Variants in PHACTR1 observed in about 807,000 individuals in gnomAD.
The protein encoded by PHACTR1 is phosphatase and actin regulator 1.
Under a neutral mutation model 69.2 loss-of-function variants are expected in PHACTR1, and 16 were observed. The ratio of observed to expected loss-of-function variants is 0.23; its 90% CI spans 0.16 to 0.35. The LOEUF (loss-of-function observed/expected upper bound fraction) is 0.35, where lower values mean the gene tolerates loss of function less well. Among genes scored for constraint, PHACTR1 ranks in the 10% least tolerant of loss-of-function variants. The pLI, the probability that PHACTR1 is intolerant of heterozygous loss-of-function variation, is 1.00. For missense variants in PHACTR1, 510 were observed against 734.7 expected (o/e 0.69, Z 3.54); for synonymous variants, 312 against 284.5 (o/e 1.10, Z -0.97).
chr6:12,886,038 T>C (rs921869715), intron 4 of PHACTR1, among the ~76,000 whole-genome samples: 9 of 152,278 alleles, frequency 5.9e-5, no homozygotes, highest in African/African-American at 2.2e-4. Context: ...GAGGTTTCAG[T>C]GAGCTGAGAT....
intron 4 of PHACTR1, among the ~76,000 whole-genome samples, chr6:12,845,436 C>G (rs868325429): frequency 3.6e-5 from 2 of 55,816 alleles, no homozygotes; most frequent in Non-Finnish European, 9.0e-5. Context: ...CCCACCCCCC[C>G]CCCCCCCGCC....
At chr6:13,146,711 A>G (rs566664886) in intron 5 of PHACTR1, among the ~76,000 whole-genome samples, 1 of 152,344 alleles carries the variant, frequency 6.6e-6, no homozygotes, top group South Asian at 2.1e-4. Flanking sequence ...GCTTTGGGCA[A>G]TACACTTCTA....
Position 12,845,444 on chromosome 6 carries a change from G to A in PHACTR1, c.250+95654G>A, listed in dbSNP as rs113397756. Among the ~76,000 whole-genome samples the A allele has an allele frequency of 4.6e-4, 6 of 12,948 alleles. 1 individual carries two copies. Among genetic ancestry groups the A allele is most frequent in the Non-Finnish European group, 9.1e-4 (5 of 5,522 alleles). The allele number at this position is 12,948 out of a possible 152,430, so 8.5% of individuals were successfully genotyped here. On this transcript the variant is annotated intron_variant, in intron 4 of 14. Transcript: ENST00000332995. ...AACACCACCCACCCCCCCCCCCCCC[G>A]CCCTCCGTGCTGGGCAGTCTTTCTG...
At chr6:12,879,110 C>G (rs1292629617) in intron 4 of PHACTR1, among the ~76,000 whole-genome samples, 1 of 152,114 alleles carries the variant, frequency 6.6e-6, no homozygotes, top group Non-Finnish European at 1.5e-5. Context: ...TGGTTTTGCT[C>G]CCGTGGAGTG....
chr6:12,820,870 A>T lies in PHACTR1; in HGVS notation c.250+71080A>T, dbSNP rs1053576616. Among the ~76,000 whole-genome samples, 4 of 152,338 alleles carry T rather than the reference A, an allele frequency of 2.6e-5. No individual in the cohort carries two copies. The East Asian group carries it at 7.7e-4, about 29-fold the overall frequency. Reference sequence around the variant, plus strand: ...TTATTAACAAAAAATCATCATTACCATCACCAAAACCGAGCCCTCCAGGAA... The same window carrying T: ...TTATTAACAAAAAATCATCATTACCTTCACCAAAACCGAGCCCTCCAGGAA... On this transcript the variant is annotated intron_variant, in intron 4 of 14. Transcript: ENST00000332995.
At chr6:12,957,172 C>T (rs546376230) in intron 4 of PHACTR1, among the ~76,000 whole-genome samples, 2 of 150,410 alleles carry the variant, frequency 1.3e-5, no homozygotes, top group East Asian at 3.9e-4. Flanking sequence ...TATAATGGAA[C>T]TGCCCTGAGT....
chr6:12,824,962 G>A (rs1462970495), intron 4 of PHACTR1, among the ~76,000 whole-genome samples: 1 of 152,108 alleles, frequency 6.6e-6, no homozygotes, highest in Non-Finnish European at 1.5e-5. Flanking sequence ...AATGGAAAAG[G>A]TATTAAGTTC....
At chr6:13,234,466 C>T (rs917985456) in intron 10 of PHACTR1, among the ~76,000 whole-genome samples, 1 of 151,892 alleles carries the variant, frequency 6.6e-6, no homozygotes, top group Non-Finnish European at 1.5e-5. Context: ...CTGTGGTCCT[C>T]ATGGAGTCAG....
At chr6:13,189,893 A>G (rs1362425564) in intron 7 of PHACTR1, among the ~76,000 whole-genome samples, 2 of 152,168 alleles carry the variant, frequency 1.3e-5, no homozygotes, top group Non-Finnish European at 2.9e-5. Flanking sequence ...TGGAGGCTGG[A>G]AAGTCCAAGA....
intron 4 of PHACTR1, among the ~76,000 whole-genome samples, chr6:12,776,515 A>G (rs192768541): frequency 6.6e-6 from 1 of 152,206 alleles, no homozygotes. Flanking sequence ...AGAGCATTCC[A>G]CAGCCATTGT....
intron 4 of PHACTR1, among the ~76,000 whole-genome samples, chr6:12,803,496 C>T (rs148480924): frequency 2.2e-4 from 33 of 152,288 alleles, no homozygotes; most frequent in African/African-American, 6.7e-4. Context: ...CGTGCCAAAA[C>T]CATGCTACTC....
rs767716107 is a variant in PHACTR1 at position 13,286,260 on chromosome 6, C to T, written c.1727+38C>T. Reference sequence around the variant, plus strand: ...GGTTTTTTTTTTCCTTTTTTTCCCTCAAGTTGCAATATTTATCTCCAAATA... The same window carrying T: ...GGTTTTTTTTTTCCTTTTTTTCCCTTAAGTTGCAATATTTATCTCCAAATA... On this transcript the variant is annotated intron_variant, in intron 14 of 14. Transcript: ENST00000332995. The T allele has an allele frequency of 3.2e-5, 47 of 1,483,968 alleles. No individual in the cohort carries two copies. In the Middle Eastern group the frequency reaches 7.0e-4, roughly 22 times the overall value. The allele number at this position is 1,483,968 out of a possible 1,614,324, so 91.9% of individuals were successfully genotyped here. A position where few individuals can be genotyped will look rare whatever the true frequency, so the allele number is the denominator to read the frequency against.
At chr6:13,078,357 T>C (rs1405437503) in intron 5 of PHACTR1, among the ~76,000 whole-genome samples, 1 of 152,210 alleles carries the variant, frequency 6.6e-6, no homozygotes, top group East Asian at 1.9e-4. Context: ...ACCAGTCATA[T>C]TGGATTAGGG....
intron 10 of PHACTR1, among the ~76,000 whole-genome samples, chr6:13,234,434 T>A (rs550679570): frequency 6.6e-6 from 1 of 152,342 alleles, no homozygotes; most frequent in South Asian, 2.1e-4. Context: ...TCTTAGGCTC[T>A]TTGAAAAGCA....
At position 12,933,675 on chromosome 6, in the gene PHACTR1, C is replaced by T. The variant is rs372498175; in HGVS notation, c.251-119690C>T. The T allele has an allele frequency of 4.7e-5, 75 of 1,612,684 alleles. No homozygotes were observed. In the African/African-American group the frequency reaches 9.2e-4, roughly 20 times the overall value. ...GATATGGATGAAGCAAGAATGGGAC[C>T]AGCAGTGCCAACTCTTGGGCGTCCT... On this transcript the variant is annotated intron_variant, in intron 4 of 14. Transcript: ENST00000332995.
intron 6 of PHACTR1, among the ~76,000 whole-genome samples, chr6:13,167,899 TA>T (rs35750414): frequency 1.3e-5 from 2 of 152,200 alleles, no homozygotes; most frequent in Non-Finnish European, 2.9e-5. Flanking sequence ...ATATTTAAAT[TA>T]AAAGGTCATC....
At chr6:12,866,521 A>AT (rs372920940) in intron 4 of PHACTR1, among the ~76,000 whole-genome samples, 1,595 of 146,580 alleles carry the variant, frequency 0.011, 31 homozygotes, top group African/African-American at 0.037. Flanking sequence ...CAGGACTGCT[A>AT]TTTTTTTTTT....
At chr6:13,157,621 G>C (rs2113513182) in intron 5 of PHACTR1, among the ~76,000 whole-genome samples, 1 of 152,346 alleles carries the variant, frequency 6.6e-6, no homozygotes, top group Admixed American at 6.5e-5. Flanking sequence ...CCTCATTGCA[G>C]ATCTTCCTTT....
At chr6:13,010,113 A>G (rs938405811) in intron 4 of PHACTR1, among the ~76,000 whole-genome samples, 1 of 151,624 alleles carries the variant, frequency 6.6e-6, no homozygotes, top group African/African-American at 2.4e-5. Context: ...CCTTGTATTG[A>G]GTGCACCCTC....
Sources: gnomAD v4.1 joint callset for allele counts (sites outside exome capture counted in the v4.1 genomes callset) on GRCh38, gnomAD v4.1.1 for gene constraint, MANE v1.5 for transcripts, NCBI Gene and HGNC (gene_info 2026-07-23, HGNC 2026-07-21) for gene names.